Variants in RPGRIP1 observed in about 807,000 individuals in gnomAD.
RPGRIP1 encodes RPGR interacting protein 1.
Under a neutral mutation model 157.9 loss-of-function variants are expected in RPGRIP1, and 128 were observed. The ratio of observed to expected loss-of-function variants is 0.81; its 90% confidence interval spans 0.70 to 0.94. RPGRIP1 has a LOEUF of 0.94. Among genes scored for constraint, RPGRIP1 ranks in the 40% least tolerant of loss-of-function variants. RPGRIP1 has a pLI of 0.00. For missense variants in RPGRIP1, 1,486 were observed against 1,545.8 expected (o/e 0.96, Z 0.65); for synonymous variants, 554 against 571.6 (o/e 0.97, Z 0.44).
At chr14:21,290,543 G>A (rs950908568) in intron 2 of RPGRIP1, among the ~76,000 whole-genome samples, 5 of 152,098 alleles carry the variant, frequency 3.3e-5, no homozygotes, top group Non-Finnish European at 7.4e-5. Flanking sequence ...CGGGCACGGT[G>A]GCTCATGCCT....
At chr14:21,328,351 C>T in intron 18 of RPGRIP1, 73 bp from the exon 19 acceptor site, 1 of 1,117,946 alleles carries the variant, frequency 8.9e-7, no homozygotes, top group South Asian at 1.5e-5. Flanking sequence ...ACACTAGTTC[C>T]CAAATCCCTT....
At chr14:21,322,146 TTTG>T in intron 14 of RPGRIP1, 142 bp downstream of exon 14, 1 of 679,692 alleles carries the variant, frequency 1.5e-6, no homozygotes, top group Non-Finnish European at 2.2e-6. Flanking sequence ...TCCTATCATT[TTTG>T]TTGTTTTTTT....
rs1594370466 is a variant in RPGRIP1, at chr14:21,288,915, T to A, written c.85+854T>A. 2.6e-5 allele frequency among the ~76,000 whole-genome samples: 4 copies of A among 152,274 alleles called. No homozygotes were observed. The South Asian group carries it at 8.3e-4, about 32-fold the overall frequency. Reference sequence around the variant, plus strand: ...CACAACAAAAGCCAAGAACAACTAGTGGGTTTCACTCATCTATCCTTGTGA... The same window carrying A: ...CACAACAAAAGCCAAGAACAACTAGAGGGTTTCACTCATCTATCCTTGTGA... On this transcript the variant is annotated intron_variant, in intron 2 of 24. Transcript: ENST00000400017.
chr14:21,313,430 C>A (rs1158874129), intron 10 of RPGRIP1, among the ~76,000 whole-genome samples: 1 of 151,702 alleles, frequency 6.6e-6, no homozygotes. Context: ...AAGGAAACCA[C>A]TGATAAGAGA....
intron 24 of RPGRIP1, 86 bp downstream of exon 24, chr14:21,348,388 A>C: frequency 1.9e-6 from 2 of 1,041,482 alleles, no homozygotes; most frequent in Non-Finnish European, 2.7e-6. Flanking sequence ...CATAATTATT[A>C]CTATGAAGTT....
In RPGRIP1 at chr14:21,345,286, T is replaced by A. The variant is rs1885451259; in HGVS notation, c.3617+89T>A. ...TTTGGTTTTGTGCTGATGCTGAATA[T>A]TTTAATAACTTTTTTGAGTTAATTT... On this transcript the variant is annotated intron_variant, in intron 23 of 24. Coordinates refer to ENST00000400017, the MANE Select transcript of RPGRIP1 (RefSeq NM_020366.4). The A allele has an allele frequency of 4.8e-6, 4 of 828,544 alleles. No individual in the cohort carries two copies. The South Asian group carries it at 6.5e-5, about 13-fold the overall frequency. 51.3% of individuals were successfully genotyped at this position (828,544 alleles called of 1,614,324 possible).
intron 3 of RPGRIP1, among the ~76,000 whole-genome samples, chr14:21,296,261 C>T (rs944893174): frequency 6.6e-6 from 1 of 152,080 alleles, no homozygotes; most frequent in Non-Finnish European, 1.5e-5. Context: ...ACTGCCACCA[C>T]TGGCCGTGCT....
At chr14:21,289,530 A>G (rs1327564154) in intron 2 of RPGRIP1, among the ~76,000 whole-genome samples, 1 of 152,084 alleles carries the variant, frequency 6.6e-6, no homozygotes, top group Non-Finnish European at 1.5e-5. Flanking sequence ...CCATCCCTCA[A>G]TCCCAATCAT....
chr14:21,336,267 G>A (rs1457242529), intron 21 of RPGRIP1, among the ~76,000 whole-genome samples: 1 of 152,178 alleles, frequency 6.6e-6, no homozygotes, highest in Non-Finnish European at 1.5e-5. Context: ...AGGTGTGGTG[G>A]CTCACACTTG....
intron 2 of RPGRIP1, among the ~76,000 whole-genome samples, chr14:21,289,419 A>C (rs1397537092): frequency 6.6e-6 from 1 of 152,086 alleles, no homozygotes; most frequent in South Asian, 2.1e-4. Flanking sequence ...AGGTGGGAGG[A>C]TCACTTGAGC....
chr14:21,299,284 G>A (rs952833819), intron 3 of RPGRIP1, among the ~76,000 whole-genome samples: 1 of 151,920 alleles, frequency 6.6e-6, no homozygotes, highest in African/African-American at 2.4e-5. Context: ...TTACAGGCGT[G>A]AGCCACCGCA....
chr14:21,325,944 C>T lies in RPGRIP1; in HGVS notation c.2481C>T (p.Arg827=). The T allele has an allele frequency of 6.2e-7, 1 of 1,614,018 alleles. No homozygotes were observed. Among genetic ancestry groups the T allele is most frequent in the Non-Finnish European group, 8.5e-7 (1 of 1,179,878 alleles). Residue 827 remains arginine, a synonymous_variant, in exon 17 of 25, where the codon CGC becomes CGT. Coordinates refer to ENST00000400017, the MANE Select transcript of RPGRIP1 (RefSeq NM_020366.4). ...GTQPSPYAVY[R]FFTFSDHDTA... ...AACCCAGTCCATATGCTGTGTACCG[C>T]TTCTTCACCTTTTCTGACCATGACA...
chr14:21,349,444 A>G (rs1375917276), intron 24 of RPGRIP1, among the ~76,000 whole-genome samples: 3 of 126,620 alleles, frequency 2.4e-5, no homozygotes, highest in Non-Finnish European at 4.8e-5. Context: ...CTTGTTGCCC[A>G]GGCTGGAGTG....
At chr14:21,317,984 T>A in intron 11 of RPGRIP1, 134 bp downstream of exon 11, 1 of 742,900 alleles carries the variant, frequency 1.3e-6, no homozygotes, top group South Asian at 1.7e-5. Context: ...GTAACTAGAA[T>A]GAGAACACTA....
chr14:21,325,784 AG>A (rs1883017024), intron 16 of RPGRIP1, 46 bp from the exon 17 acceptor site: 1 of 1,393,468 alleles, frequency 7.2e-7, no homozygotes, highest in African/African-American at 1.4e-5. Context: ...CACCTACAAC[AG>A]TCTCAAGCTG....
At chr14:21,307,980 T>C (rs1881388452) in intron 7 of RPGRIP1, 144 bp downstream of exon 7, 5 of 586,320 alleles carry the variant, frequency 8.5e-6, no homozygotes, top group Non-Finnish European at 1.5e-5. Context: ...ATAAGTGATA[T>C]TCAAATCCAA....
At chr14:21,327,855 G>A in intron 18 of RPGRIP1, 48 bp downstream of exon 18, 2 of 1,411,246 alleles carry the variant, frequency 1.4e-6, no homozygotes, top group Non-Finnish European at 1.9e-6. Flanking sequence ...CAATCCTATG[G>A]AGCAGATTTG....
intron 7 of RPGRIP1, 81 bp downstream of exon 7, chr14:21,307,917 A>G (rs1290142288): frequency 2.6e-6 from 2 of 762,620 alleles, no homozygotes; most frequent in Non-Finnish European, 4.3e-6. Context: ...TCCATTTTAA[A>G]TATGAGAAGC....
intron 21 of RPGRIP1, among the ~76,000 whole-genome samples, chr14:21,341,191 T>C (rs1351900634): frequency 6.6e-6 from 1 of 152,064 alleles, no homozygotes; most frequent in Non-Finnish European, 1.5e-5. Flanking sequence ...CCACCATGCC[T>C]GGCTAATTTT....
Sources: gnomAD v4.1 joint callset for allele counts (sites outside exome capture counted in the v4.1 genomes callset) on GRCh38, gnomAD v4.1.1 for gene constraint, MANE v1.5 for transcripts, NCBI Gene and HGNC (gene_info 2026-07-23, HGNC 2026-07-21) for gene names.